PARD3B: variants seen among roughly 807,000 people sequenced by gnomAD.
PARD3B encodes par-3 family cell polarity regulator beta.
PARD3B carries 103 observed loss-of-function variants against 130.2 expected under a neutral mutation model. That is an observed-to-expected ratio of 0.79 (90% CI 0.67 to 0.93). The LOEUF (loss-of-function observed/expected upper bound fraction) is 0.93. Ranked by LOEUF, PARD3B falls within the 40% of genes least tolerant of loss-of-function variation. PARD3B has a pLI of 0.00. For synonymous variants in PARD3B, 583 were observed against 553.2 expected (o/e 1.05, Z -0.76); for missense variants, 1,609 against 1,499.2 (o/e 1.07, Z -1.21).
Position 205,564,547 on chromosome 2 carries a change from G to A in PARD3B, c.3260+11144G>A, listed in dbSNP as rs558410834. On this transcript the variant is annotated intron_variant, in intron 22 of 22. Transcript: ENST00000406610. This position sits in a 1 kb window ranked among gnomAD's most constrained non-coding sequence, Gnocchi z 4.6. ...TTTTTGTAGCCAGGAAACTATTGTTGGTTCTTTCACAGTGTAGTTCTGGCA... is the reference window on the plus strand; with the variant it reads ...TTTTTGTAGCCAGGAAACTATTGTTAGTTCTTTCACAGTGTAGTTCTGGCA... Among the ~76,000 whole-genome samples, 9 of 152,268 alleles carry A rather than the reference G, an allele frequency of 5.9e-5. No homozygotes were observed. The highest frequency in any genetic ancestry group is 2.6e-4 in the Admixed American group (4 of 15,300).
chr2:204,764,740 G>GTGTGTGTGTGTT (rs1340443843), intron 2 of PARD3B, among the ~76,000 whole-genome samples: 1 of 151,892 alleles, frequency 6.6e-6, no homozygotes, highest in East Asian at 1.9e-4. Context: ...GTGTGTGTGT[G>GTGTGTGTGTGTT]TGTAGTTAAT....
At chr2:205,472,220 A>G (rs1244433815) in intron 20 of PARD3B, among the ~76,000 whole-genome samples, 1 of 152,170 alleles carries the variant, frequency 6.6e-6, no homozygotes, top group Non-Finnish European at 1.5e-5. Flanking sequence ...GAAGTCATGG[A>G]AAGTCAAGAA....
At chr2:204,942,932 G>C (rs974473921) in intron 2 of PARD3B, among the ~76,000 whole-genome samples, 5 of 151,980 alleles carry the variant, frequency 3.3e-5, no homozygotes, top group Non-Finnish European at 7.4e-5. Context: ...CTGTGTACTA[G>C]GCTTAGCACC....
At chr2:204,818,915 G>A (rs1392621702) in intron 2 of PARD3B, among the ~76,000 whole-genome samples, 1 of 152,140 alleles carries the variant, frequency 6.6e-6, no homozygotes, top group Non-Finnish European at 1.5e-5. Flanking sequence ...GGGAGAGTAT[G>A]TTGAAGTGCG....
At chr2:205,454,250 C>T (rs925919305) in intron 20 of PARD3B, among the ~76,000 whole-genome samples, 14 of 152,206 alleles carry the variant, frequency 9.2e-5, no homozygotes, top group Admixed American at 3.3e-4. Flanking sequence ...TTTGCTGATG[C>T]TAAGGACAGA....
rs146173536 is a variant in PARD3B at position 204,928,225 on chromosome 2, G to A, written c.223-36927G>A. On this transcript the variant is annotated intron_variant, in intron 2 of 22. Coordinates refer to ENST00000406610, the MANE Select transcript of PARD3B (RefSeq NM_001302769.2). ...CCTTCATAGGATCTTTTATCCTCCA[G>A]CAGGCTAGACCTTGTTCTCATAGTA... is the stretch of plus-strand genomic sequence containing the variant. Among the ~76,000 whole-genome samples, 1,170 of 152,168 alleles carry A rather than the reference G, an allele frequency of 7.7e-3. 4 individuals are homozygous for A. Among genetic ancestry groups the A allele is most frequent in the South Asian group, 0.011 (51 of 4,824 alleles).
At chr2:205,342,542 A>G (rs2043583296) in intron 18 of PARD3B, among the ~76,000 whole-genome samples, 1 of 152,180 alleles carries the variant, frequency 6.6e-6, no homozygotes, top group South Asian at 2.1e-4. Context: ...AAATTACTAA[A>G]ACTTTGGAGA....
At chr2:205,069,915 T>A (rs1700619247) in intron 4 of PARD3B, among the ~76,000 whole-genome samples, 1 of 152,166 alleles carries the variant, frequency 6.6e-6, no homozygotes, top group Admixed American at 6.5e-5. Context: ...TCCCCCACTA[T>A]CAAGGCTACT....
At chr2:204,746,220 G>T (rs571115636) in intron 2 of PARD3B, among the ~76,000 whole-genome samples, 1 of 146,208 alleles carries the variant, frequency 6.8e-6, no homozygotes, top group African/African-American at 2.5e-5. Flanking sequence ...CTATGAGTGA[G>T]AACATGCAGT....
At chr2:205,540,888 T>G (rs1321606936) in intron 21 of PARD3B, among the ~76,000 whole-genome samples, 1 of 152,204 alleles carries the variant, frequency 6.6e-6, no homozygotes, top group Admixed American at 6.5e-5. Flanking sequence ...GACTTGCACT[T>G]CCAGCTTCTA....
chr2:205,424,246 C>T lies in PARD3B; in HGVS notation c.2742-16124C>T, dbSNP rs553258681. Among the ~76,000 whole-genome samples, 20 of 152,188 alleles carry T rather than the reference C, an allele frequency of 1.3e-4. 1 individual carries two copies. The East Asian group carries it at 2.3e-3, about 18-fold the overall frequency. ...CTTTTCAGAATATGAGTGCCCTATA[C>T]CTTTGAACTAGATGGAAACCTCAGG... is the stretch of plus-strand genomic sequence containing the variant. On this transcript the variant is annotated intron_variant, in intron 19 of 22. Transcript: ENST00000406610.
intron 22 of PARD3B, among the ~76,000 whole-genome samples, chr2:205,608,223 G>C (rs768470694): frequency 2.0e-5 from 3 of 152,142 alleles, no homozygotes; most frequent in Non-Finnish European, 2.9e-5. Flanking sequence ...TAAGGGGCAG[G>C]AGGAAATCAG....
At chr2:204,794,056 G>T (rs1243062796) in intron 2 of PARD3B, among the ~76,000 whole-genome samples, 1 of 152,118 alleles carries the variant, frequency 6.6e-6, no homozygotes, top group Non-Finnish European at 1.5e-5. Context: ...GATGCGAGGG[G>T]AGATTGAAAT....
At chr2:204,653,592 A>T (rs2035553367) in intron 1 of PARD3B, among the ~76,000 whole-genome samples, 1 of 150,578 alleles carries the variant, frequency 6.6e-6, no homozygotes, top group East Asian at 1.9e-4. Context: ...GGAGTTTGAG[A>T]CCAGCCTGAC....
intron 2 of PARD3B, among the ~76,000 whole-genome samples, chr2:204,874,574 TA>T (rs375452951): frequency 2.0e-5 from 3 of 152,144 alleles, no homozygotes; most frequent in South Asian, 2.1e-4. Flanking sequence ...AATTTTTTGT[TA>T]TTTTTTTTTA....
chr2:205,176,576 AG>A lies in PARD3B; in HGVS notation c.1924+1del. On this transcript the variant is annotated frameshift_variant and splice_region_variant, in exon 13 of 23. Coordinates refer to ENST00000406610, the MANE Select transcript of PARD3B (RefSeq NM_001302769.2). LOFTEE classifies it high-confidence loss of function. The surrounding 1 kb of genome is among the most constrained non-coding windows in gnomAD (Gnocchi z 5.3). ...GTCSPQDKQK[G>X]LLLPNDGWAE... Reference sequence around the variant, plus strand: ...CTTGCAGTCCACAAGACAAACAGAAAGGTAAGAGTCTATTCATTTTATCCAC... The same window carrying A: ...CTTGCAGTCCACAAGACAAACAGAAAGTAAGAGTCTATTCATTTTATCCAC... The A allele has an allele frequency of 1.2e-6, 2 of 1,605,410 alleles. No homozygotes were observed. Among genetic ancestry groups the A allele is most frequent in the Non-Finnish European group, 1.7e-6 (2 of 1,176,606 alleles).
At chr2:204,577,515 A>G (rs534884108) in intron 1 of PARD3B, among the ~76,000 whole-genome samples, 1 of 152,144 alleles carries the variant, frequency 6.6e-6, no homozygotes, top group Non-Finnish European at 1.5e-5. Context: ...CTTCTGCTTC[A>G]GTACTTTCTC....
At chr2:204,897,385 G>GTGT (rs370608528) in intron 2 of PARD3B, among the ~76,000 whole-genome samples, 2 of 127,676 alleles carry the variant, frequency 1.6e-5, no homozygotes, top group African/African-American at 5.9e-5. Context: ...TGTAGGTACT[G>GTGT]TTTTTTTTTT....
At chr2:204,938,809 A>T (rs1688662770) in intron 2 of PARD3B, among the ~76,000 whole-genome samples, 1 of 152,206 alleles carries the variant, frequency 6.6e-6, no homozygotes. Flanking sequence ...AGAAAGGCAG[A>T]GATGATGTCT....
Sources: gnomAD v4.1 joint callset for allele counts (sites outside exome capture counted in the v4.1 genomes callset) on GRCh38, gnomAD v4.1.1 for gene constraint, Gnocchi (gnomAD v3.1) non-coding constraint, MANE v1.5 for transcripts, NCBI Gene and HGNC (gene_info 2026-07-23, HGNC 2026-07-21) for gene names.